The following PHF2 variants were observed in gnomAD, a reference collection of about 807,000 sequenced individuals.
The protein encoded by PHF2 is lysine-specific demethylase PHF2.
A neutral mutation model predicts 120.5 loss-of-function variants in PHF2; 27 were observed. The observed-to-expected ratio is 0.22, with a 90% CI of 0.17 to 0.31. PHF2 has a LOEUF of 0.31. Ranked by LOEUF, PHF2 falls within the 10% of genes least tolerant of loss-of-function variation. The pLI is 1.00. For missense variants in PHF2, 1,024 were observed against 1,434.8 expected (o/e 0.71, Z 4.63); for synonymous variants, 568 against 592.5 (o/e 0.96, Z 0.60).
rs1283048161 is a variant in PHF2, at chr9:93,675,669, C to G, written c.2723-11C>G. 6.2e-7 allele frequency: 1 copy of G among 1,605,892 alleles called. No individual in the cohort carries two copies. The highest frequency in any genetic ancestry group is 1.7e-5 in the Admixed American group (1 of 59,768). On this transcript the variant is annotated splice_polypyrimidine_tract_variant and intron_variant, in intron 19 of 21. Transcript: ENST00000359246. ...CTACAGCTTGAGGGGGCTGGCCCTT[C>G]TTTTCCACAGCAAGGGTCGGCCCAT... is the stretch of plus-strand genomic sequence containing the variant.
chr9:93,634,903 G>C (rs1375205603), intron 2 of PHF2, among the ~76,000 whole-genome samples: 1 of 152,232 alleles, frequency 6.6e-6, no homozygotes, highest in African/African-American at 2.4e-5. Context: ...GCCCAGCAGA[G>C]TCTGGAGCAG....
At chr9:93,624,642 G>A (rs554844969) in intron 1 of PHF2, among the ~76,000 whole-genome samples, 1 of 151,800 alleles carries the variant, frequency 6.6e-6, no homozygotes, top group East Asian at 1.9e-4. Context: ...TGATGGTGTG[G>A]CAATGTTGGT....
In PHF2 at chr9:93,677,114, T is replaced by A; in HGVS notation, c.3202+151T>A. On this transcript the variant is annotated intron_variant, in intron 21 of 21. Transcript: ENST00000359246. This position sits in a 1 kb window ranked among gnomAD's most constrained non-coding sequence, Gnocchi z 4.4. ...GGCAGGGTGCTGTGGTCCAAGTTGG[T>A]TGCATCTTTGTGTGAGCGTATCCCA... 1.3e-6 allele frequency: 1 copy of A among 792,952 alleles called. No individual in the cohort carries two copies. The highest frequency in any genetic ancestry group is 1.9e-6 in the Non-Finnish European group (1 of 515,870). 49.1% of individuals were successfully genotyped at this position (792,952 alleles called of 1,614,324 possible). A position where few individuals can be genotyped will look rare whatever the true frequency, so the allele number is the denominator to read the frequency against.
chr9:93,665,890 A>G, intron 15 of PHF2, 26 bp downstream of exon 15: 8 of 1,012,876 alleles, frequency 7.9e-6, no homozygotes, highest in South Asian at 1.2e-5. Flanking sequence ...GTGTTGGGGG[A>G]GGGGTGTGGG....
intron 1 of PHF2, among the ~76,000 whole-genome samples, chr9:93,602,188 A>C (rs1242314826): frequency 6.8e-6 from 1 of 146,602 alleles, no homozygotes; most frequent in African/African-American, 2.5e-5. Context: ...TTCTTCGTTG[A>C]GTATGTAAAT....
At chr9:93,662,037 C>T (rs1405240197) in intron 12 of PHF2, among the ~76,000 whole-genome samples, 1 of 143,612 alleles carries the variant, frequency 7.0e-6, no homozygotes, top group African/African-American at 2.6e-5. Flanking sequence ...AATGAATCAA[C>T]AAATGGTGAG....
In PHF2 at chr9:93,637,625, C is replaced by T. The variant is rs147453650; in HGVS notation, c.299+1100C>T. 4.0e-3 allele frequency among the ~76,000 whole-genome samples: 604 copies of T among 152,336 alleles called. 5 individuals are homozygous for T. Among genetic ancestry groups the T allele is most frequent in the African/African-American group, 0.014 (567 of 41,576 alleles). On this transcript the variant is annotated intron_variant, in intron 3 of 21. Coordinates refer to ENST00000359246, the MANE Select transcript of PHF2 (RefSeq NM_005392.4). ...CTGTGGCATGTGTTAGCACCTCACT[C>T]CTTTTTTGAGGCTGAATGATATTTC...
intron 5 of PHF2, 143 bp downstream of exon 5, chr9:93,649,355 C>A: frequency 9.4e-6 from 3 of 317,802 alleles, no homozygotes; most frequent in East Asian, 5.5e-5. Flanking sequence ...TTTACTGTTT[C>A]TCTCTTTTAA....
At chr9:93,603,389 G>T (rs1825481713) in intron 1 of PHF2, among the ~76,000 whole-genome samples, 1 of 152,166 alleles carries the variant, frequency 6.6e-6, no homozygotes, top group Non-Finnish European at 1.5e-5. Context: ...TTGACAAGCA[G>T]TGGACACGGT....
chr9:93,607,972 A>G (rs1825571084), intron 1 of PHF2, among the ~76,000 whole-genome samples: 1 of 131,488 alleles, frequency 7.6e-6, no homozygotes, highest in African/African-American at 2.7e-5. Flanking sequence ...AGGGAAAGAG[A>G]TGAGAGAGAG....
intron 1 of PHF2, among the ~76,000 whole-genome samples, chr9:93,612,198 T>G (rs1219412756): frequency 6.6e-6 from 1 of 152,244 alleles, no homozygotes; most frequent in Admixed American, 6.5e-5. Context: ...GAATGGACAC[T>G]TAGCTTGGCT....
chr9:93,600,963 T>C (rs2131615963), intron 1 of PHF2, among the ~76,000 whole-genome samples: 1 of 152,366 alleles, frequency 6.6e-6, no homozygotes, highest in African/African-American at 2.4e-5. Flanking sequence ...TTTGTATTTC[T>C]GGATTTATAA....
At chr9:93,634,773 G>A (rs543974639) in intron 2 of PHF2, among the ~76,000 whole-genome samples, 51 of 152,344 alleles carry the variant, frequency 3.3e-4, no homozygotes, top group African/African-American at 1.2e-3. Context: ...GCCCAGTACT[G>A]GGCATAGGGG....
intron 17 of PHF2, 117 bp downstream of exon 17, chr9:93,667,357 C>T: frequency 6.3e-6 from 8 of 1,266,220 alleles, no homozygotes; most frequent in Non-Finnish European, 2.2e-6. Context: ...CAGTGCTGAG[C>T]CGCCCCTGGG....
chr9:93,628,124 G>A (rs1011695590), intron 1 of PHF2, among the ~76,000 whole-genome samples: 4 of 152,180 alleles, frequency 2.6e-5, no homozygotes, highest in East Asian at 1.9e-4. Flanking sequence ...ATGGTGCACC[G>A]TCCCCTTAAT....
intron 9 of PHF2, 56 bp from the exon 10 acceptor site, chr9:93,658,089 G>A (rs1027018157): frequency 2.3e-5 from 29 of 1,274,836 alleles, no homozygotes; most frequent in Non-Finnish European, 1.9e-5. Flanking sequence ...GGCTGGGCAT[G>A]AAGGCACCTG....
At chr9:93,591,128 C>T (rs767791715) in intron 1 of PHF2, among the ~76,000 whole-genome samples, 1 of 152,162 alleles carries the variant, frequency 6.6e-6, no homozygotes, top group Non-Finnish European at 1.5e-5. Flanking sequence ...CTCCTGTGAC[C>T]CATGCTCACT....
rs1166666116 is a variant in PHF2 at position 93,675,092 on chromosome 9, C to T, written c.2722+70C>T. 5 of 1,231,982 alleles carry T rather than the reference C, an allele frequency of 4.1e-6. No homozygotes were observed. In the East Asian group the frequency reaches 9.3e-5, roughly 23 times the overall value. 76.3% of individuals were successfully genotyped at this position (1,231,982 alleles called of 1,614,324 possible). On this transcript the variant is annotated intron_variant, in intron 19 of 21. Coordinates refer to ENST00000359246, the MANE Select transcript of PHF2 (RefSeq NM_005392.4). Reference sequence around the variant, plus strand: ...GGAAGCTGTGACTTTGTCTGTGGTCCCTCCAGCCCCTGAGAATGTGGGCTC... The same window carrying T: ...GGAAGCTGTGACTTTGTCTGTGGTCTCTCCAGCCCCTGAGAATGTGGGCTC...
chr9:93,593,694 C>A (rs528617763), intron 1 of PHF2, among the ~76,000 whole-genome samples: 2 of 152,310 alleles, frequency 1.3e-5, no homozygotes, highest in Non-Finnish European at 2.9e-5. Flanking sequence ...ATGACAGTGT[C>A]CTCTTGTAAA....
Sources: gnomAD v4.1 joint callset for allele counts (sites outside exome capture counted in the v4.1 genomes callset) on GRCh38, gnomAD v4.1.1 for gene constraint, Gnocchi (gnomAD v3.1) non-coding constraint, MANE v1.5 for transcripts, NCBI Gene and HGNC (gene_info 2026-07-23, HGNC 2026-07-21) for gene names.